Variants in IFT122 observed in about 807,000 individuals in gnomAD.
The protein encoded by IFT122 is intraflagellar transport protein 122 homolog.
In IFT122, 118 loss-of-function variants were observed where a neutral mutation model predicts 161.6. The observed-to-expected ratio is 0.73, with a 90% CI of 0.63 to 0.85. The LOEUF (loss-of-function observed/expected upper bound fraction) is 0.85, where lower values mean the gene tolerates loss of function less well. Ranked by LOEUF, IFT122 falls within the 40% of genes least tolerant of loss-of-function variation. IFT122 has a pLI of 0.00. For missense variants in IFT122, 1,381 were observed against 1,579.6 expected, an observed-to-expected ratio of 0.87 and a Z score of 2.13; for synonymous variants, 550 against 602.4, an observed-to-expected ratio of 0.91 and a Z score of 1.27.
chr3:129,449,183 T>G (rs1321267615), intron 1 of IFT122, among the ~76,000 whole-genome samples: 1 of 152,244 alleles, frequency 6.6e-6, no homozygotes, highest in Non-Finnish European at 1.5e-5. Context: ...CGAATCCTGT[T>G]TTCATGTGTC....
At chr3:129,461,608 G>T (rs2076220375) in intron 5 of IFT122, 1 of 435,184 alleles carries the variant, frequency 2.3e-6, no homozygotes, top group Admixed American at 3.5e-5. Flanking sequence ...GCCTTCCCTT[G>T]GTGTTGCTGC....
intron 20 of IFT122, among the ~76,000 whole-genome samples, chr3:129,503,218 A>C (rs981353987): frequency 1.3e-5 from 2 of 152,242 alleles, no homozygotes; most frequent in African/African-American, 4.8e-5. Flanking sequence ...CCACAGGCTC[A>C]GACACATGGC....
intron 13 of IFT122, among the ~76,000 whole-genome samples, chr3:129,481,202 C>T (rs1312131611): frequency 6.6e-6 from 1 of 152,178 alleles, no homozygotes; most frequent in Non-Finnish European, 1.5e-5. Flanking sequence ...TGACTCAGAT[C>T]TCTGCTAGGT....
chr3:129,504,865 C>T (rs971705738), intron 21 of IFT122, among the ~76,000 whole-genome samples: 18 of 152,160 alleles, frequency 1.2e-4, no homozygotes, highest in African/African-American at 3.6e-4. Flanking sequence ...GCCAGGGTAC[C>T]ATGAGGACAA....
At chr3:129,476,136 G>A (rs2077916556) in intron 9 of IFT122, 179 bp from the exon 10 acceptor site, 1 of 680,508 alleles carries the variant, frequency 1.5e-6, no homozygotes, top group Non-Finnish European at 2.6e-6. Flanking sequence ...GGATGAGTAG[G>A]GAGATGCAGA....
At chr3:129,514,324 G>C in intron 24 of IFT122, 65 bp from the exon 25 acceptor site, 1 of 1,573,988 alleles carries the variant, frequency 6.4e-7, no homozygotes, top group Non-Finnish European at 8.7e-7. Context: ...CTCACTCCAA[G>C]GACAGGCAGT....
At chr3:129,516,246 GCACA>G (rs745565781) in intron 26 of IFT122, among the ~76,000 whole-genome samples, 1 of 98,730 alleles carries the variant, frequency 1.0e-5, no homozygotes, top group South Asian at 3.6e-4. Flanking sequence ...GCCCCTGCGT[GCACA>G]CACAGACTGC....
Position 129,519,701 on chromosome 3 carries a change from C to T in IFT122, c.3605C>T (p.Ala1202Val). The change falls in exon 29 of 30, where the codon GCC (alanine) becomes GTC (valine). Residue 1202 changes from alanine (A) to valine (V), a missense_variant. By Grantham distance (64) the Ala-to-Val change is moderately conservative. Around this residue, in one of 7 missense-constraint regions of IFT122, gnomAD observed 177 missense variants for 199.2 expected, o/e 0.89. Coordinates refer to ENST00000348417, the MANE Select transcript of IFT122 (RefSeq NM_052989.3). ...WQYFRSLLPD[A>V]SITMCPSCFQ... ...TACTTCCGCTCACTGCTGCCTGACG[C>T]CTCCATTACCATGTGCCCCTCCTGC... 2 of 1,613,824 alleles carry T rather than the reference C, an allele frequency of 1.2e-6. No individual in the cohort carries two copies. Among genetic ancestry groups the T allele is most frequent in the South Asian group, 1.1e-5 (1 of 91,082 alleles).
chr3:129,450,013 T>TC, intron 2 of IFT122, 76 bp downstream of exon 2: 1 of 464,100 alleles, frequency 2.2e-6, no homozygotes, highest in South Asian at 4.2e-5. Flanking sequence ...ATTTGACCCT[T>TC]TTTTTTTTTT....
chr3:129,498,010 G>A (rs2081089926), intron 18 of IFT122, among the ~76,000 whole-genome samples: 1 of 152,176 alleles, frequency 6.6e-6, no homozygotes. Context: ...AAATCACCAA[G>A]CATGAGAACA....
rs370520115 is a variant in IFT122 at position 129,488,243 on chromosome 3, A to G, written c.1852-14A>G. ...AAAACAGTCTTCTTTTTTTCCCTTGATGAAATCCTGCAGTCCGCTCCCATG... is the reference window on the plus strand; with the variant it reads ...AAAACAGTCTTCTTTTTTTCCCTTGGTGAAATCCTGCAGTCCGCTCCCATG... On this transcript the variant is annotated splice_polypyrimidine_tract_variant and intron_variant, in intron 15 of 29. Transcript: ENST00000348417. The G allele has an allele frequency of 4.3e-6, 7 of 1,613,878 alleles. No homozygotes were observed. The East Asian group carries it at 6.7e-5, about 15-fold the overall frequency.
rs2076677957 is a variant in IFT122 at position 129,465,641 on chromosome 3, T to A, written c.563+860T>A. Among the ~76,000 whole-genome samples the A allele has an allele frequency of 3.1e-5, 4 of 127,938 alleles. No individual in the cohort carries two copies. In the Admixed American group the frequency reaches 3.1e-4, roughly 10 times the overall value. The allele number at this position is 127,938 out of a possible 152,430, so 83.9% of individuals were successfully genotyped here. On this transcript the variant is annotated intron_variant, in intron 7 of 29. Transcript: ENST00000348417. ...GCCTGCCACCACGCCTGGCTAATTTTTTTTTTTTTTTTGAGACGGAGTCTC... is the reference window on the plus strand; with the variant it reads ...GCCTGCCACCACGCCTGGCTAATTTATTTTTTTTTTTTGAGACGGAGTCTC...
At chr3:129,469,783 T>G (rs1481452195) in intron 9 of IFT122, among the ~76,000 whole-genome samples, 1 of 152,210 alleles carries the variant, frequency 6.6e-6, no homozygotes, top group African/African-American at 2.4e-5. Context: ...TCTATTCGCT[T>G]TCTTTCATTC....
chr3:129,505,187 C>G (rs567741939), intron 21 of IFT122, among the ~76,000 whole-genome samples: 1 of 152,286 alleles, frequency 6.6e-6, no homozygotes, highest in Non-Finnish European at 1.5e-5. Flanking sequence ...TGTGCCATGC[C>G]AAGTCACAAA....
intron 22 of IFT122, 70 bp downstream of exon 22, chr3:129,506,619 G>A: frequency 3.7e-6 from 6 of 1,601,224 alleles, no homozygotes; most frequent in Non-Finnish European, 5.1e-6. Flanking sequence ...CATCAGAAGA[G>A]CTGGGACATT....
intron 19 of IFT122, among the ~76,000 whole-genome samples, chr3:129,500,840 A>G (rs112803520): frequency 2.6e-5 from 4 of 152,194 alleles, no homozygotes; most frequent in South Asian, 2.1e-4. Flanking sequence ...AGATTTGCCA[A>G]TAGTGAGTGA....
At position 129,469,373 on chromosome 3, in the gene IFT122, G is replaced by T. The variant is rs1484764546; in HGVS notation, c.772G>T (p.Asp258Tyr). Residue 258 changes from aspartate (D) to tyrosine (Y), a missense_variant, in exon 9 of 30, where the codon GAC becomes TAC. Around this residue, in one of 7 missense-constraint regions of IFT122, gnomAD observed 544 missense variants for 648.0 expected, o/e 0.84. Transcript: ENST00000348417. ...EERNDILAVADWGQKVSFYQL... is the reference protein window; with the variant it reads ...EERNDILAVAYWGQKVSFYQL... ...ACGTAATGACATCCTGGCTGTGGCT[G>T]ACTGGGGACAGAAAGTTTCCTTCTA... 1 of 1,613,964 alleles carries T rather than the reference G, an allele frequency of 6.2e-7. No homozygotes were observed. The highest frequency in any genetic ancestry group is 1.3e-5 in the African/African-American group (1 of 74,950).
At chr3:129,488,770 C>T (rs562052408) in intron 16 of IFT122, among the ~76,000 whole-genome samples, 12 of 152,064 alleles carry the variant, frequency 7.9e-5, no homozygotes, top group East Asian at 3.9e-4. Flanking sequence ...CCGTAAATGG[C>T]GGCTTTTATT....
chr3:129,476,535 C>T, intron 10 of IFT122, 29 bp downstream of exon 10: 1 of 1,613,832 alleles, frequency 6.2e-7, no homozygotes, highest in Non-Finnish European at 8.5e-7. Context: ...TTCTGTGGGG[C>T]CATGGCTTGA....
Sources: gnomAD v4.1 joint callset for allele counts (sites outside exome capture counted in the v4.1 genomes callset) on GRCh38, gnomAD v4.1.1 for gene constraint, gnomAD v4.1.1 regional missense constraint, MANE v1.5 for transcripts, NCBI Gene and HGNC (gene_info 2026-07-23, HGNC 2026-07-21) for gene names.